The following FRAS1 variants were observed in gnomAD, a reference collection of about 807,000 sequenced individuals.
The protein encoded by FRAS1 is extracellular matrix organizing protein FRAS1.
In FRAS1, 290 loss-of-function variants were observed where a neutral mutation model predicts 435.2. That is an observed-to-expected ratio of 0.67 (90% CI 0.61 to 0.73). The LOEUF (loss-of-function observed/expected upper bound fraction) is 0.73. Ranked by LOEUF, FRAS1 falls within the 30% of genes least tolerant of loss-of-function variation. FRAS1 has a pLI of 0.00. For synonymous variants in FRAS1, 1,800 were observed against 1,851.0 expected, an observed-to-expected ratio of 0.97 and a Z score of 0.71; for missense variants, 4,860 against 5,001.5, an observed-to-expected ratio of 0.97 and a Z score of 0.85.
intron 9 of FRAS1, among the ~76,000 whole-genome samples, chr4:78,275,177 C>T (rs978431287): frequency 5.3e-5 from 8 of 152,176 alleles, no homozygotes; most frequent in African/African-American, 1.9e-4. Flanking sequence ...GTAGATCTTC[C>T]TCCATCCCTT....
chr4:78,071,064 C>T (rs1185538198), intron 2 of FRAS1: 1 of 152,206 alleles, frequency 6.6e-6, no homozygotes, highest in Non-Finnish European at 1.5e-5. Context: ...ACTTGGGATA[C>T]TTTTGCTGAG....
At chr4:78,467,920 T>G (rs1719585229) in intron 50 of FRAS1, among the ~76,000 whole-genome samples, 1 of 152,208 alleles carries the variant, frequency 6.6e-6, no homozygotes, top group Admixed American at 6.5e-5. Context: ...AAAATTAGAT[T>G]ATTAGATTTT....
chr4:78,502,347 G>A (rs980754902), intron 61 of FRAS1, among the ~76,000 whole-genome samples: 19 of 151,902 alleles, frequency 1.3e-4, no homozygotes, highest in African/African-American at 2.2e-4. Flanking sequence ...CTTCCTCTCC[G>A]TAAGCGTGGA....
At chr4:78,489,205 A>T in intron 59 of FRAS1, 125 bp downstream of exon 59, 2 of 822,120 alleles carry the variant, frequency 2.4e-6, no homozygotes, top group South Asian at 4.0e-5. Context: ...ACCCTTGAAC[A>T]ATGCAGGGGA....
chr4:78,446,622 T>C, intron 42 of FRAS1, 105 bp from the exon 43 acceptor site: 1 of 1,459,372 alleles, frequency 6.9e-7, no homozygotes, highest in Non-Finnish European at 9.0e-7. Flanking sequence ...TTAAATGCTA[T>C]TTTGAGGTGA....
intron 2 of FRAS1, among the ~76,000 whole-genome samples, chr4:78,067,670 CTTTTATT>C (rs1247024788): frequency 1.1e-5 from 1 of 87,232 alleles, no homozygotes; most frequent in Non-Finnish European, 2.2e-5. Context: ...TTTTTTCTTT[CTTTTATT>C]ATTATTATTA....
intron 36 of FRAS1, among the ~76,000 whole-genome samples, chr4:78,429,906 G>T (rs1326658418): frequency 6.6e-6 from 1 of 152,138 alleles, no homozygotes; most frequent in Non-Finnish European, 1.5e-5. Context: ...GCTCTTTGTA[G>T]CTTTAGAAAA....
chr4:78,085,716 A>T (rs967883063), intron 2 of FRAS1, among the ~76,000 whole-genome samples: 1 of 152,196 alleles, frequency 6.6e-6, no homozygotes, highest in Non-Finnish European at 1.5e-5. Context: ...ATTCAACAAG[A>T]CGAGCCAACT....
At chr4:78,100,964 G>C (rs1742095624) in intron 2 of FRAS1, among the ~76,000 whole-genome samples, 1 of 152,172 alleles carries the variant, frequency 6.6e-6, no homozygotes, top group Admixed American at 6.5e-5. Flanking sequence ...TAAAGTAAAA[G>C]TGTACAGGGG....
chr4:78,300,863 A>G (rs1214031579), intron 14 of FRAS1, among the ~76,000 whole-genome samples: 1 of 151,856 alleles, frequency 6.6e-6, no homozygotes, highest in Non-Finnish European at 1.5e-5. Flanking sequence ...GCTGCTCGTG[A>G]TGGTCCAACT....
intron 2 of FRAS1, among the ~76,000 whole-genome samples, chr4:78,158,796 T>G (rs983482661): frequency 6.6e-6 from 1 of 152,210 alleles, no homozygotes; most frequent in Non-Finnish European, 1.5e-5. Context: ...TTACCCAAAG[T>G]AGGCTGATCT....
intron 20 of FRAS1, among the ~76,000 whole-genome samples, chr4:78,345,846 ATTGAGTCCTTCC>A (rs1730586106): frequency 2.1e-5 from 3 of 143,188 alleles, no homozygotes; most frequent in Non-Finnish European, 4.5e-5. Flanking sequence ...CTATGCTTAA[ATTGAGTCCTTCC>A]TAAATTAAAA....
chr4:78,375,988 A>G, intron 26 of FRAS1, 109 bp downstream of exon 26: 1 of 1,299,656 alleles, frequency 7.7e-7, no homozygotes, highest in South Asian at 1.3e-5. Flanking sequence ...CAGCATTCCC[A>G]ATTTGGGAAA....
At chr4:78,161,533 A>G (rs1466873545) in intron 2 of FRAS1, among the ~76,000 whole-genome samples, 2 of 152,022 alleles carry the variant, frequency 1.3e-5, no homozygotes, top group African/African-American at 4.8e-5. Flanking sequence ...CAGAATAAGA[A>G]TTCAATAAAT....
At position 78,478,076 on chromosome 4, in the gene FRAS1, C is replaced by T; in HGVS notation, c.8098+15C>T. The T allele has an allele frequency of 6.5e-7, 1 of 1,549,364 alleles. No individual in the cohort carries two copies. Among genetic ancestry groups the T allele is most frequent in the East Asian group, 2.4e-5 (1 of 41,102 alleles). On this transcript the variant is annotated intron_variant, in intron 55 of 73. Transcript: ENST00000512123. Reference sequence around the variant, plus strand: ...TGAAAGAAAAGGTCTGTTGGTTCCACAGGTGACAAAGAGCTATAATAATTG... The same window carrying T: ...TGAAAGAAAAGGTCTGTTGGTTCCATAGGTGACAAAGAGCTATAATAATTG...
chr4:78,386,715 A>T, intron 28 of FRAS1, among the ~76,000 whole-genome samples: 1 of 152,050 alleles, frequency 6.6e-6, no homozygotes, highest in East Asian at 1.9e-4. Context: ...TATCTTTATG[A>T]AATAACATTT....
chr4:78,442,381 A>T (rs1368373538), intron 41 of FRAS1, among the ~76,000 whole-genome samples: 1 of 152,250 alleles, frequency 6.6e-6, no homozygotes, highest in Non-Finnish European at 1.5e-5. Flanking sequence ...AAGCACTGAG[A>T]GAGTAAGTAG....
chr4:78,129,060 G>C (rs1396511301), intron 2 of FRAS1, among the ~76,000 whole-genome samples: 1 of 152,202 alleles, frequency 6.6e-6, no homozygotes, highest in Non-Finnish European at 1.5e-5. Context: ...AGATCAGATA[G>C]TTGTAGATAT....
intron 19 of FRAS1, among the ~76,000 whole-genome samples, chr4:78,336,980 G>A (rs1730195843): frequency 6.6e-6 from 1 of 151,804 alleles, no homozygotes. Flanking sequence ...TGACTCTCTT[G>A]GTTTGTTTCA....
Sources: gnomAD v4.1 joint callset for allele counts (sites outside exome capture counted in the v4.1 genomes callset) on GRCh38, gnomAD v4.1.1 for gene constraint, MANE v1.5 for transcripts, NCBI Gene and HGNC (gene_info 2026-07-23, HGNC 2026-07-21) for gene names.